Variants in AFF3 observed in about 807,000 individuals in gnomAD.
AFF3 encodes the protein AF4/FMR2 family member 3.
AFF3 carries 32 observed loss-of-function variants against 129.7 expected under a neutral mutation model. The ratio of observed to expected loss-of-function variants is 0.25; its 90% CI spans 0.19 to 0.33. The LOEUF (loss-of-function observed/expected upper bound fraction) is 0.33, where lower values mean the gene tolerates loss of function less well. AFF3 is among the 10% of genes least tolerant of loss of function. The probability of loss-of-function intolerance (pLI) is 1.00; values close to 1 mark genes in which losing one functional copy is unlikely to be tolerated. For missense variants in AFF3, 1,373 were observed against 1,592.0 expected (o/e 0.86, Z 2.34); for synonymous variants, 644 against 635.4 (o/e 1.01, Z -0.20).
intron 7 of AFF3, among the ~76,000 whole-genome samples, chr2:99,852,206 C>T (rs1343780183): frequency 6.6e-6 from 1 of 152,110 alleles, no homozygotes; most frequent in Non-Finnish European, 1.5e-5. Flanking sequence ...CAGCCCTGAT[C>T]AATACAGCCT....
rs145011714 is a variant in AFF3 at position 100,114,412 on chromosome 2, C to T, written c.-144-8829G>A. ...ACTGTGTTTTTCTGAGACAGAGTCT[C>T]GTTCTGCCACCCAGGCTAGAGTGCA... On this transcript the variant is annotated intron_variant, in intron 2 of 24. Coordinates refer to ENST00000672756, the MANE Select transcript of AFF3 (RefSeq NM_001386135.1). 1.5e-3 allele frequency among the ~76,000 whole-genome samples: 232 copies of T among 152,296 alleles called. 1 individual carries two copies. The highest frequency in any genetic ancestry group is 5.2e-3 in the African/African-American group (217 of 41,572).
chr2:100,079,843 T>C (rs972782950), intron 4 of AFF3, among the ~76,000 whole-genome samples: 5 of 152,278 alleles, frequency 3.3e-5, no homozygotes, highest in African/African-American at 1.2e-4. Flanking sequence ...TCTGGGTCAA[T>C]AGACTCACCA....
Position 100,047,343 on chromosome 2 carries a change from C to T in AFF3, c.54-38411G>A, listed in dbSNP as rs114448408. Among the ~76,000 whole-genome samples, 576 of 152,252 alleles carry T rather than the reference C, an allele frequency of 3.8e-3. 6 individuals carry two copies. The highest frequency in any genetic ancestry group is 0.013 in the African/African-American group (539 of 41,540). On this transcript the variant is annotated intron_variant, in intron 4 of 24. Transcript: ENST00000672756. Reference sequence around the variant, plus strand: ...ATTTATGTAGTCCTTCCCTTTGTTCCTTGGCTCTGTCATAGTGGTGACAGA... The same window carrying T: ...ATTTATGTAGTCCTTCCCTTTGTTCTTTGGCTCTGTCATAGTGGTGACAGA...
At chr2:99,703,217 C>T (rs1040744831) in intron 11 of AFF3, among the ~76,000 whole-genome samples, 5 of 152,124 alleles carry the variant, frequency 3.3e-5, no homozygotes, top group African/African-American at 7.2e-5. Context: ...TTTCTAGAGG[C>T]GGCCTGCCTT....
chr2:99,693,250 G>C (rs1675859609), intron 11 of AFF3, among the ~76,000 whole-genome samples: 1 of 152,146 alleles, frequency 6.6e-6, no homozygotes, highest in Admixed American at 6.5e-5. Flanking sequence ...TTAACTAATA[G>C]TAACATTAAA....
rs1053659848 is a variant in AFF3, at chr2:99,648,244, T to G, written c.1184+1382A>C. Among the ~76,000 whole-genome samples the G allele has an allele frequency of 1.3e-5, 2 of 152,214 alleles. 1 individual carries two copies. Among genetic ancestry groups the G allele is most frequent in the East Asian group, 3.8e-4 (2 of 5,198 alleles). On this transcript the variant is annotated intron_variant, in intron 13 of 24. Coordinates refer to ENST00000672756, the MANE Select transcript of AFF3 (RefSeq NM_001386135.1). Reference sequence around the variant, plus strand: ...GTTGTGCAACCATCACCATAATCTATTTTTACAACATCATCATCTCCAAAA... The same window carrying G: ...GTTGTGCAACCATCACCATAATCTAGTTTTACAACATCATCATCTCCAAAA...
chr2:99,579,056 T>C lies in AFF3; in HGVS notation c.2794-605A>G, dbSNP rs1677262994. Among the ~76,000 whole-genome samples the C allele has an allele frequency of 2.0e-5, 3 of 152,218 alleles. 1 individual carries two copies. In the South Asian group the frequency reaches 6.2e-4, roughly 32 times the overall value. On this transcript the variant is annotated intron_variant, in intron 17 of 24. Coordinates refer to ENST00000672756, the MANE Select transcript of AFF3 (RefSeq NM_001386135.1). ...ACTCATCTCACAGGTTTGCTGGTTC[T>C]TGTTGGCTGTCTGTGAAGACCAGAA... is the stretch of plus-strand genomic sequence containing the variant.
chr2:99,890,517 G>A lies in AFF3; in HGVS notation c.874-52993C>T, dbSNP rs142463897. 2.7e-3 allele frequency among the ~76,000 whole-genome samples: 418 copies of A among 152,286 alleles called. 2 individuals carry two copies. Among genetic ancestry groups the A allele is most frequent in the Non-Finnish European group, 4.7e-3 (322 of 68,032 alleles). ...AAACAAGCCTTGCCTGGACAGTCAC[G>A]AGGCTTGACCGGGCACACTGAATGC... On this transcript the variant is annotated intron_variant, in intron 7 of 24. Coordinates refer to ENST00000672756, the MANE Select transcript of AFF3 (RefSeq NM_001386135.1).
chr2:99,645,304 G>C (rs1427884237), intron 13 of AFF3, among the ~76,000 whole-genome samples: 1 of 152,090 alleles, frequency 6.6e-6, no homozygotes, highest in African/African-American at 2.4e-5. Context: ...CTCCAGCCTG[G>C]GTGACAGAGT....
At chr2:99,899,209 C>T (rs1272275730) in intron 7 of AFF3, among the ~76,000 whole-genome samples, 4 of 152,196 alleles carry the variant, frequency 2.6e-5, no homozygotes, top group African/African-American at 9.7e-5. Flanking sequence ...GCCACATTCA[C>T]AAATATACAC....
At chr2:99,556,295 A>G (rs1674907590) in intron 22 of AFF3, among the ~76,000 whole-genome samples, 1 of 152,072 alleles carries the variant, frequency 6.6e-6, no homozygotes. Flanking sequence ...GATACAAAAA[A>G]TTGGCCGGGT....
rs944831179 is a variant in AFF3 at position 99,545,677 on chromosome 2, A to G, written c.*5797T>C. 2 of 162,510 alleles carry G rather than the reference A, an allele frequency of 1.2e-5. No individual in the cohort carries two copies. The highest frequency in any genetic ancestry group is 2.4e-5 in the African/African-American group (1 of 41,792). The allele number at this position is 162,510 out of a possible 1,614,324, so 10.1% of individuals were successfully genotyped here. On this transcript the variant is annotated 3_prime_UTR_variant, in exon 25 of 25. Coordinates refer to ENST00000672756, the MANE Select transcript of AFF3 (RefSeq NM_001386135.1). The stretch of plus-strand genomic sequence containing the variant: ...TGCCCTGAATTCAACCCTCAGATCA[A>G]TGTCTATAAAATTGGCTGTAAGAGG...
chr2:99,568,023 C>T (rs1014134594), intron 19 of AFF3, among the ~76,000 whole-genome samples: 3 of 152,208 alleles, frequency 2.0e-5, no homozygotes, highest in Non-Finnish European at 4.4e-5. Flanking sequence ...CCCCAGTGTA[C>T]ATAGGCAGTG....
chr2:100,009,097 G>A (rs1213381339), intron 4 of AFF3, among the ~76,000 whole-genome samples, 165 bp from the exon 5 acceptor site: 1 of 152,176 alleles, frequency 6.6e-6, no homozygotes, highest in Non-Finnish European at 1.5e-5. Flanking sequence ...GTGCTGGGGT[G>A]TCTAACAATT....
chr2:99,950,079 C>T (rs973850198), intron 7 of AFF3, among the ~76,000 whole-genome samples: 1 of 152,170 alleles, frequency 6.6e-6, no homozygotes, highest in Non-Finnish European at 1.5e-5. Context: ...CATCCAATCT[C>T]TGACACTAGC....
chr2:100,057,152 C>CAAAAA (rs1559093185), intron 4 of AFF3, among the ~76,000 whole-genome samples: 20 of 152,068 alleles, frequency 1.3e-4, no homozygotes, highest in African/African-American at 4.8e-4. Context: ...GAAACTCTGT[C>CAAAAA]TCAACCAAAA....
chr2:99,960,602 A>G (rs1677117819), intron 7 of AFF3, among the ~76,000 whole-genome samples: 1 of 152,142 alleles, frequency 6.6e-6, no homozygotes, highest in Non-Finnish European at 1.5e-5. Flanking sequence ...TTTGCTTCAC[A>G]TTACAACCTT....
rs562345367 is a variant in AFF3 at position 100,040,683 on chromosome 2, T to G, written c.54-31751A>C. On this transcript the variant is annotated intron_variant, in intron 4 of 24. Coordinates refer to ENST00000672756, the MANE Select transcript of AFF3 (RefSeq NM_001386135.1). ...TGGCACACCTGCTTTGTTCCCCTGC[T>G]ACCGACAGGCTTGCTATTTCTTTCA... is the stretch of plus-strand genomic sequence containing the variant. Among the ~76,000 whole-genome samples the G allele has an allele frequency of 9.8e-5, 15 of 152,312 alleles. No individual in the cohort carries two copies. The South Asian group carries it at 2.9e-3, about 29-fold the overall frequency.
In AFF3 at chr2:99,568,918, A is replaced by G. The variant is rs1559487262; in HGVS notation, c.2919-3T>C. ...TAAAATAATCGGCACTGCGAGGCCTACAAGGAGAGAATGATATTAAACGTC... is the reference window on the plus strand; with the variant it reads ...TAAAATAATCGGCACTGCGAGGCCTGCAAGGAGAGAATGATATTAAACGTC... On this transcript the variant is annotated splice_region_variant and splice_polypyrimidine_tract_variant and intron_variant, in intron 18 of 24. Coordinates refer to ENST00000672756, the MANE Select transcript of AFF3 (RefSeq NM_001386135.1). 6.2e-7 allele frequency: 1 copy of G among 1,613,912 alleles called. No homozygotes were observed. Among genetic ancestry groups the G allele is most frequent in the Non-Finnish European group, 8.5e-7 (1 of 1,179,792 alleles).
Sources: allele counts gnomAD v4.1 joint callset (sites outside exome capture counted in the v4.1 genomes callset), GRCh38; gene constraint gnomAD v4.1.1; transcripts MANE v1.5; gene names NCBI Gene and HGNC (gene_info 2026-07-23, HGNC 2026-07-21).